TTLL7: variants seen among roughly 807,000 people sequenced by gnomAD.
The protein encoded by TTLL7 is tubulin polyglutamylase TTLL7.
TTLL7 carries 53 observed loss-of-function variants against 120.2 expected under a neutral mutation model. The observed-to-expected ratio is 0.44, with a 90% CI of 0.35 to 0.55. The LOEUF is 0.55. TTLL7 is among the 20% of genes least tolerant of loss of function. The pLI, the probability that TTLL7 is intolerant of heterozygous loss-of-function variation, is 0.00. For synonymous variants in TTLL7, 353 were observed against 351.7 expected (o/e 1.00, Z -0.04); for missense variants, 803 against 1,054.7 (o/e 0.76, Z 3.31).
Position 83,919,823 on chromosome 1 carries a change from G to T in TTLL7, c.1376C>A (p.Pro459His). 1 of 1,609,734 alleles carries T rather than the reference G, an allele frequency of 6.2e-7. No homozygotes were observed. ...RHMGNYRRIY[P>H]PEDKALLEKY... ...TTCAAGTAATGCTTTATCTTCAGGA[G>T]GATAAATTCGTCTACAACAAAATCA... Residue 459 changes from proline (P) to histidine (H), a missense_variant, in exon 13 of 21, where the codon CCT becomes CAT. Transcript: ENST00000260505.
In TTLL7 at chr1:83,959,612, C is replaced by T. The variant is rs1301327528; in HGVS notation, c.-176-7225G>A. The stretch of plus-strand genomic sequence containing the variant: ...TTTGACCCCAAACCAGCTACCGATG[C>T]TCACTAACCAACACACTCATTTTGT... On this transcript the variant is annotated intron_variant, in intron 1 of 20. Transcript: ENST00000260505. 2.6e-5 allele frequency among the ~76,000 whole-genome samples: 4 copies of T among 152,094 alleles called. No individual in the cohort carries two copies. The East Asian group carries it at 7.7e-4, about 29-fold the overall frequency.
At chr1:83,884,234 G>T (rs1452579047) in intron 19 of TTLL7, among the ~76,000 whole-genome samples, 1 of 151,740 alleles carries the variant, frequency 6.6e-6, no homozygotes, top group African/African-American at 2.4e-5. Flanking sequence ...TTTGGTTTGA[G>T]ACTTGGTAAT....
In TTLL7 at chr1:83,937,861, A is replaced by G. The variant is rs776162707; in HGVS notation, c.879T>C (p.Ser293=). 24 of 1,613,840 alleles carry G rather than the reference A, an allele frequency of 1.5e-5. No individual in the cohort carries two copies. The highest frequency in any genetic ancestry group is 2.0e-5 in the Non-Finnish European group (24 of 1,179,856). Residue 293 remains serine, a synonymous_variant, in exon 8 of 21, where the codon AGT becomes AGC. Coordinates refer to ENST00000260505, the MANE Select transcript of TTLL7 (RefSeq NM_024686.6). ...AATGGCATAATCTTACTGAAATATC[A>G]CTCCAAAACTTAGCAACATCATGTT... The part of the protein sequence containing the change: ...ANQHDVAKFW[S]DISELVVKTL...
chr1:83,961,376 A>G (rs1452739222), intron 1 of TTLL7, among the ~76,000 whole-genome samples: 2 of 152,148 alleles, frequency 1.3e-5, no homozygotes, highest in Non-Finnish European at 2.9e-5. Context: ...GAAAAGCCAT[A>G]TGGAAAAAGG....
At chr1:83,875,057 T>C (rs1290812056) in intron 20 of TTLL7, among the ~76,000 whole-genome samples, 1 of 151,848 alleles carries the variant, frequency 6.6e-6, no homozygotes, top group Non-Finnish European at 1.5e-5. Flanking sequence ...ACATAAAACA[T>C]AAATGTTCCA....
At chr1:83,984,330 T>C (rs888411107) in intron 1 of TTLL7, 1 of 152,210 alleles carries the variant, frequency 6.6e-6, no homozygotes, top group Non-Finnish European at 1.5e-5. Flanking sequence ...GGAATGTGAA[T>C]TAGTTCAGTC....
intron 1 of TTLL7, among the ~76,000 whole-genome samples, chr1:83,966,371 GTCTC>G (rs145515825): frequency 0.047 from 7,080 of 151,698 alleles, 223 homozygotes; most frequent in Middle Eastern, 0.11. Context: ...CTGTCTCTCT[GTCTC>G]TCTATCTCCC....
intron 17 of TTLL7, among the ~76,000 whole-genome samples, chr1:83,905,173 T>C (rs1382027668): frequency 1.3e-5 from 2 of 151,932 alleles, no homozygotes; most frequent in Non-Finnish European, 2.9e-5. Flanking sequence ...TAAAAGCACA[T>C]CTAGTATAAT....
At chr1:83,942,335 AT>A in intron 7 of TTLL7, 127 bp downstream of exon 7, 1 of 688,840 alleles carries the variant, frequency 1.5e-6, no homozygotes, top group Non-Finnish European at 2.4e-6. Flanking sequence ...TATGTACACA[AT>A]TCTTCCAGAC....
At position 83,933,698 on chromosome 1, in the gene TTLL7, A is replaced by G. The variant is rs759414125; in HGVS notation, c.957T>C (p.Pro319=). 3 of 1,613,796 alleles carry G rather than the reference A, an allele frequency of 1.9e-6. No individual in the cohort carries two copies. Among genetic ancestry groups the G allele is most frequent in the East Asian group, 2.2e-5 (1 of 44,860 alleles). ...HVLHAYRMCR[P]GQPPGSESVC... is the part of the protein sequence containing the mutation. Reference sequence around the variant, plus strand: ...CACTTTCGCTTCCTGGAGGTTGACCAGGTCTACACATTCGATAGGCATGCA... The same window carrying G: ...CACTTTCGCTTCCTGGAGGTTGACCGGGTCTACACATTCGATAGGCATGCA... The change falls in exon 9 of 21, where the codon CCT becomes CCC. Residue 319 remains proline (P), a synonymous_variant. Transcript: ENST00000260505.
chr1:83,985,554 T>C (rs1378448423), intron 1 of TTLL7, among the ~76,000 whole-genome samples: 2 of 152,006 alleles, frequency 1.3e-5, no homozygotes, highest in Non-Finnish European at 2.9e-5. Context: ...ACACCTAATA[T>C]TAACCATCAC....
rs554937006 is a variant in TTLL7 at position 83,908,296 on chromosome 1, T to C, written c.1787-635A>G. 5.3e-5 allele frequency among the ~76,000 whole-genome samples: 8 copies of C among 151,036 alleles called. No homozygotes were observed. In the South Asian group the frequency reaches 1.5e-3, roughly 28 times the overall value. ...GGGCTGGAAAGGCATACAGGCTAAA[T>C]AGGTTAAGTTATAGAATTTAGAAGC... is the stretch of plus-strand genomic sequence containing the variant. On this transcript the variant is annotated intron_variant, in intron 15 of 20. Coordinates refer to ENST00000260505, the MANE Select transcript of TTLL7 (RefSeq NM_024686.6).
At chr1:83,905,775 T>C (rs572813883) in intron 17 of TTLL7, among the ~76,000 whole-genome samples, 4 of 152,128 alleles carry the variant, frequency 2.6e-5, no homozygotes, top group African/African-American at 9.6e-5. Context: ...CTGGTTTTAA[T>C]GTGAATTTTA....
chr1:83,882,977 G>C lies in TTLL7; in HGVS notation c.2529C>G (p.Asp843Glu). ...TGAACAAGTACCTGGAATTACCCCA[G>C]TCAGGACCAATGCCTGAAAGTGATC... is the stretch of plus-strand genomic sequence containing the variant. ...KRGSLSGIGP[D>E]WGNSRYLLPG... Residue 843 changes from aspartate to glutamate, a missense_variant, in exon 20 of 21, where the codon GAC becomes GAG. Transcript: ENST00000260505. 2.5e-6 allele frequency: 4 copies of C among 1,611,936 alleles called. No individual in the cohort carries two copies. Among genetic ancestry groups the C allele is most frequent in the Non-Finnish European group, 3.4e-6 (4 of 1,178,810 alleles).
At chr1:83,877,987 G>T (rs921342759) in intron 20 of TTLL7, among the ~76,000 whole-genome samples, 6 of 151,438 alleles carry the variant, frequency 4.0e-5, no homozygotes, top group African/African-American at 9.7e-5. Context: ...TACTGATTTA[G>T]CCATATTCTA....
intron 18 of TTLL7, among the ~76,000 whole-genome samples, chr1:83,903,286 T>C (rs1038801039): frequency 6.6e-6 from 1 of 152,018 alleles, no homozygotes. Flanking sequence ...CATATACCCA[T>C]CAAACTAATT....
chr1:83,894,587 T>C (rs1472507056), intron 18 of TTLL7, among the ~76,000 whole-genome samples: 2 of 152,120 alleles, frequency 1.3e-5, no homozygotes, highest in Middle Eastern at 3.2e-3. Flanking sequence ...GACAGTACCA[T>C]ATTCTAGCCC....
Position 83,952,328 on chromosome 1 carries a change from A to G in TTLL7, c.-117T>C. ...CCCCAAATCACTGAAAGTTCTTATC[A>G]TATTATCTTGGTGGAATCCTCAGAT... is the stretch of plus-strand genomic sequence containing the variant. On this transcript the variant is annotated 5_prime_UTR_variant, in exon 2 of 21. An upstream start codon of the reference 5' UTR is lost. Coordinates refer to ENST00000260505, the MANE Select transcript of TTLL7 (RefSeq NM_024686.6). 2.9e-6 allele frequency: 3 copies of G among 1,048,160 alleles called. No individual in the cohort carries two copies. The highest frequency in any genetic ancestry group is 4.6e-5 in the Admixed American group (2 of 43,650). The allele number at this position is 1,048,160 out of a possible 1,614,324, so 64.9% of individuals were successfully genotyped here.
At chr1:83,987,246 GA>G (rs150993380) in intron 1 of TTLL7, among the ~76,000 whole-genome samples, 6,857 of 136,654 alleles carry the variant, frequency 0.05, 196 homozygotes, top group Middle Eastern at 0.11. Context: ...GGTTTACATG[GA>G]AAAAAAAAAG....
Sources: allele counts gnomAD v4.1 joint callset (sites outside exome capture counted in the v4.1 genomes callset), GRCh38; gene constraint gnomAD v4.1.1; transcripts MANE v1.5; gene names NCBI Gene and HGNC (gene_info 2026-07-23, HGNC 2026-07-21).